Variants in CNTNAP5 observed in about 807,000 individuals in gnomAD.
The protein encoded by CNTNAP5 is contactin associated protein family member 5.
Under a neutral mutation model 150.2 loss-of-function variants are expected in CNTNAP5, and 72 were observed. That is an observed-to-expected ratio of 0.48 (90% CI 0.40 to 0.58). The LOEUF (loss-of-function observed/expected upper bound fraction) is 0.58, where lower values mean the gene tolerates loss of function less well. CNTNAP5 is among the 20% of genes least tolerant of loss of function. The pLI is 0.00. For missense variants in CNTNAP5, 1,636 were observed against 1,626.2 expected, an observed-to-expected ratio of 1.01 and a Z score of -0.10; for synonymous variants, 672 against 619.8, an observed-to-expected ratio of 1.08 and a Z score of -1.25.
At chr2:124,358,505 T>C (rs1690091307) in intron 3 of CNTNAP5, among the ~76,000 whole-genome samples, 1 of 152,230 alleles carries the variant, frequency 6.6e-6, no homozygotes. Context: ...TGAGAGTTTT[T>C]AGCATGAAGG....
chr2:124,909,028 A>C (rs2104766344), intron 22 of CNTNAP5, among the ~76,000 whole-genome samples: 1 of 152,274 alleles, frequency 6.6e-6, no homozygotes, highest in East Asian at 1.9e-4. Context: ...GCTAAGGATA[A>C]TTTATTATTA....
intron 2 of CNTNAP5, among the ~76,000 whole-genome samples, chr2:124,238,825 T>C (rs1573858885): frequency 6.6e-6 from 1 of 152,210 alleles, no homozygotes; most frequent in Non-Finnish European, 1.5e-5. Flanking sequence ...TTCTTCAGGC[T>C]ACTTTCATCA....
At chr2:124,388,853 G>A (rs1287340541) in intron 3 of CNTNAP5, among the ~76,000 whole-genome samples, 1 of 151,988 alleles carries the variant, frequency 6.6e-6, no homozygotes, top group Non-Finnish European at 1.5e-5. Flanking sequence ...GCTAATTTTT[G>A]TATTTTTAGG....
chr2:124,905,131 T>A (rs1678508508), intron 22 of CNTNAP5, among the ~76,000 whole-genome samples: 1 of 147,546 alleles, frequency 6.8e-6, no homozygotes, highest in Non-Finnish European at 1.5e-5. Flanking sequence ...TTTTTGTTTT[T>A]TTTTTTTTCC....
At chr2:124,881,842 C>A (rs1215096140) in intron 21 of CNTNAP5, among the ~76,000 whole-genome samples, 1 of 151,994 alleles carries the variant, frequency 6.6e-6, no homozygotes. Context: ...AAACATGGGC[C>A]TTTGTGCTTT....
intron 22 of CNTNAP5, among the ~76,000 whole-genome samples, chr2:124,909,725 A>C (rs1678613219): frequency 1.5e-5 from 2 of 134,588 alleles, no homozygotes; most frequent in Non-Finnish European, 3.2e-5. Flanking sequence ...CCTTTTATTG[A>C]CTCCTCTGAT....
At chr2:124,380,463 G>A (rs1164583057) in intron 3 of CNTNAP5, among the ~76,000 whole-genome samples, 2 of 152,124 alleles carry the variant, frequency 1.3e-5, no homozygotes, top group Non-Finnish European at 2.9e-5. Context: ...GATAATTGCT[G>A]TAATTCTCTG....
At chr2:124,153,387 C>T (rs1684449721) in intron 1 of CNTNAP5, among the ~76,000 whole-genome samples, 1 of 152,058 alleles carries the variant, frequency 6.6e-6, no homozygotes, top group Non-Finnish European at 1.5e-5. Flanking sequence ...TACAGTAGGT[C>T]AATGTCTTAG....
intron 12 of CNTNAP5, among the ~76,000 whole-genome samples, chr2:124,632,766 TA>T (rs749757534): frequency 2.0e-5 from 3 of 152,118 alleles, no homozygotes; most frequent in Non-Finnish European, 4.4e-5. Context: ...AATTTATTTT[TA>T]AAAAGAGGTT....
chr2:124,494,046 G>A (rs1441384791), intron 7 of CNTNAP5, among the ~76,000 whole-genome samples: 1 of 146,694 alleles, frequency 6.8e-6, no homozygotes, highest in Non-Finnish European at 1.5e-5. Flanking sequence ...GTTCCCTAGA[G>A]AGAATCAATA....
chr2:124,380,340 T>A (rs2104736895), intron 3 of CNTNAP5, among the ~76,000 whole-genome samples: 1 of 152,278 alleles, frequency 6.6e-6, no homozygotes, highest in South Asian at 2.1e-4. Context: ...AAAGACAGGT[T>A]CCTCTTCCTG....
At chr2:124,258,629 G>C (rs1369308085) in intron 3 of CNTNAP5, among the ~76,000 whole-genome samples, 1 of 152,142 alleles carries the variant, frequency 6.6e-6, no homozygotes, top group African/African-American at 2.4e-5. Flanking sequence ...GAATGAAGTG[G>C]TTCTCTAGTG....
At chr2:124,777,585 G>T (rs1681352892) in intron 17 of CNTNAP5, among the ~76,000 whole-genome samples, 1 of 152,012 alleles carries the variant, frequency 6.6e-6, no homozygotes. Flanking sequence ...GTTTCACCTT[G>T]TTGCCCAGGC....
chr2:124,403,861 C>T lies in CNTNAP5; in HGVS notation c.382-13582C>T, dbSNP rs148020621. ...AGAAGGCTAAGAAGGACCAAACGCA[C>T]GTCTTACATGGCAGCAGGTAAGAAA... On this transcript the variant is annotated intron_variant, in intron 3 of 23. Coordinates refer to ENST00000682447, the MANE Select transcript of CNTNAP5 (RefSeq NM_001367498.1). Among the ~76,000 whole-genome samples, 335 of 152,288 alleles carry T rather than the reference C, an allele frequency of 2.2e-3. 2 individuals carry two copies. Among genetic ancestry groups the T allele is most frequent in the African/African-American group, 7.7e-3 (318 of 41,566 alleles).
chr2:124,419,153 A>AAAAAAACAAAC (rs1692014781), intron 4 of CNTNAP5, among the ~76,000 whole-genome samples: 1 of 76,404 alleles, frequency 1.3e-5, no homozygotes, highest in South Asian at 4.5e-4. Flanking sequence ...AAAAAAAAAA[A>AAAAAAACAAAC]AAAAAAAAAA....
chr2:124,713,376 T>TTTCTTTCTTTCTTTCC (rs1679878054), intron 13 of CNTNAP5, among the ~76,000 whole-genome samples: 1 of 133,540 alleles, frequency 7.5e-6, no homozygotes, highest in South Asian at 2.4e-4. Flanking sequence ...TCTTTCTTTC[T>TTTCTTTCTTTCTTTCC]TTCTTCTCCC....
At chr2:124,060,826 T>G (rs886828412) in intron 1 of CNTNAP5, among the ~76,000 whole-genome samples, 3 of 152,218 alleles carry the variant, frequency 2.0e-5, no homozygotes, top group Non-Finnish European at 4.4e-5. Flanking sequence ...TTCTGAAGAC[T>G]TTGACCTCAT....
chr2:124,510,439 A>G (rs1316525577), intron 8 of CNTNAP5, among the ~76,000 whole-genome samples: 4 of 135,212 alleles, frequency 3.0e-5, no homozygotes, highest in Non-Finnish European at 6.3e-5. Context: ...GCAAGACTCC[A>G]TCAAAAAAAC....
At chr2:124,740,258 T>C (rs1260850862) in intron 13 of CNTNAP5, among the ~76,000 whole-genome samples, 1 of 152,180 alleles carries the variant, frequency 6.6e-6, no homozygotes, top group African/African-American at 2.4e-5. Flanking sequence ...TCTGGTTTCA[T>C]TAGGTTACAG....
Sources: allele counts gnomAD v4.1 joint callset (sites outside exome capture counted in the v4.1 genomes callset), GRCh38; gene constraint gnomAD v4.1.1; transcripts MANE v1.5; gene names NCBI Gene and HGNC (gene_info 2026-07-23, HGNC 2026-07-21).